Variants in UBE2E2 observed in about 807,000 individuals in gnomAD.
UBE2E2 encodes ubiquitin-conjugating enzyme E2 E2.
Under a neutral mutation model 24.7 loss-of-function variants are expected in UBE2E2, and 6 were observed. The observed-to-expected ratio is 0.24, with a 90% CI of 0.13 to 0.48. The LOEUF (loss-of-function observed/expected upper bound fraction) is 0.48. UBE2E2 is among the 20% of genes least tolerant of loss of function. UBE2E2 has a pLI of 0.99. For missense variants in UBE2E2, 169 were observed against 245.0 expected (o/e 0.69, Z 2.07); for synonymous variants, 104 against 83.6 (o/e 1.24, Z -1.33).
intron 5 of UBE2E2, among the ~76,000 whole-genome samples, chr3:23,558,854 G>C (rs966894754): frequency 4.6e-5 from 7 of 152,112 alleles, no homozygotes; most frequent in Admixed American, 6.5e-5. Context: ...GAGCCCAGGA[G>C]CTCAAAGACC....
At position 23,331,800 on chromosome 3, in the gene UBE2E2, TG is replaced by T. The variant is rs1259952247; in HGVS notation, c.227+114489del. Among the ~76,000 whole-genome samples the T allele has an allele frequency of 9.2e-5, 14 of 152,266 alleles. No individual in the cohort carries two copies. The East Asian group carries it at 2.7e-3, about 29-fold the overall frequency. ...GGTAAAGACTTTGGTTTATGTGAGATGAGAAATCACTAAGGGTTTTGAACAG... is the reference window on the plus strand; with the variant it reads ...GGTAAAGACTTTGGTTTATGTGAGATAGAAATCACTAAGGGTTTTGAACAG... On this transcript the variant is annotated intron_variant, in intron 3 of 5. Transcript: ENST00000396703.
chr3:23,244,082 T>C (rs1234591057), intron 3 of UBE2E2, among the ~76,000 whole-genome samples: 2 of 150,190 alleles, frequency 1.3e-5, no homozygotes, highest in African/African-American at 4.9e-5. Context: ...ATAGGAAGAA[T>C]ATCAATTAAG....
intron 4 of UBE2E2, among the ~76,000 whole-genome samples, chr3:23,527,740 G>T (rs1695032158): frequency 6.6e-6 from 1 of 152,040 alleles, no homozygotes; most frequent in African/African-American, 2.4e-5. Context: ...CTAAAAGCAA[G>T]GTTCAGAGAG....
chr3:23,295,115 T>C (rs1258060000), intron 3 of UBE2E2, among the ~76,000 whole-genome samples: 3 of 152,156 alleles, frequency 2.0e-5, no homozygotes, highest in Admixed American at 6.6e-5. Context: ...TCTAGTCCTT[T>C]TCAAAAACAC....
intron 3 of UBE2E2, among the ~76,000 whole-genome samples, chr3:23,422,256 G>C (rs186605050): frequency 6.6e-6 from 1 of 152,240 alleles, no homozygotes; most frequent in East Asian, 1.9e-4. Context: ...TAAATACGGG[G>C]ATAGAGAGTA....
intron 3 of UBE2E2, among the ~76,000 whole-genome samples, chr3:23,432,683 T>G (rs1698088755): frequency 6.6e-6 from 1 of 151,978 alleles, no homozygotes; most frequent in Non-Finnish European, 1.5e-5. Context: ...TTTGGGCATT[T>G]CATGTTCAAT....
intron 3 of UBE2E2, among the ~76,000 whole-genome samples, chr3:23,442,045 G>A (rs13062101): frequency 0.42 from 63,131 of 151,842 alleles, 13,374 homozygotes; most frequent in East Asian, 0.5. Flanking sequence ...TTATATTGTT[G>A]ATTGTAACTT....
At chr3:23,561,913 G>T (rs1012402702) in intron 5 of UBE2E2, among the ~76,000 whole-genome samples, 59 of 152,134 alleles carry the variant, frequency 3.9e-4, no homozygotes, top group African/African-American at 1.4e-3. Context: ...TTTGCACATT[G>T]ATTTTGTATC....
At position 23,443,389 on chromosome 3, in the gene UBE2E2, A is replaced by G. The variant is rs573756716; in HGVS notation, c.228-56219A>G. On this transcript the variant is annotated intron_variant, in intron 3 of 5. Coordinates refer to ENST00000396703, the MANE Select transcript of UBE2E2 (RefSeq NM_152653.4). ...ATGGTTTGGTAGGGGTGGAGAGTCAATACATGGATAAGCTATTGTGGTACC... is the reference window on the plus strand; with the variant it reads ...ATGGTTTGGTAGGGGTGGAGAGTCAGTACATGGATAAGCTATTGTGGTACC... Among the ~76,000 whole-genome samples, 8 of 152,186 alleles carry G rather than the reference A, an allele frequency of 5.3e-5. 1 individual carries two copies. The South Asian group carries it at 1.7e-3, about 32-fold the overall frequency.
chr3:23,576,100 A>AT (rs1200720215), intron 5 of UBE2E2, among the ~76,000 whole-genome samples: 4 of 152,018 alleles, frequency 2.6e-5, no homozygotes, highest in South Asian at 2.1e-4. Context: ...AGAAGGTAGT[A>AT]TTTTTTTACT....
intron 3 of UBE2E2, among the ~76,000 whole-genome samples, chr3:23,400,078 T>C (rs1415491658): frequency 1.3e-5 from 2 of 152,176 alleles, no homozygotes; most frequent in Admixed American, 6.6e-5. Context: ...GAAAGAAATA[T>C]TACCGTCATA....
rs1694684232 is a variant in UBE2E2 at position 23,319,495 on chromosome 3, G to A, written c.227+102183G>A. Among the ~76,000 whole-genome samples the A allele has an allele frequency of 3.9e-5, 6 of 152,042 alleles. No homozygotes were observed. The South Asian group carries it at 1.2e-3, about 32-fold the overall frequency. The stretch of plus-strand genomic sequence containing the variant: ...GATACTATTCTGATTTCTTTTATTT[G>A]TATTAACAAATTTAATTCTTACAAC... On this transcript the variant is annotated intron_variant, in intron 3 of 5. Coordinates refer to ENST00000396703, the MANE Select transcript of UBE2E2 (RefSeq NM_152653.4).
At chr3:23,275,207 T>C (rs1275732832) in intron 3 of UBE2E2, among the ~76,000 whole-genome samples, 1 of 152,184 alleles carries the variant, frequency 6.6e-6, no homozygotes, top group Non-Finnish European at 1.5e-5. Flanking sequence ...TGGGCTGCTT[T>C]GAAAGTATAT....
At chr3:23,548,961 A>C (rs773299170) in intron 5 of UBE2E2, among the ~76,000 whole-genome samples, 1 of 152,184 alleles carries the variant, frequency 6.6e-6, no homozygotes. Context: ...AAAGAGGTAC[A>C]TAGTAGCAAC....
At chr3:23,360,373 G>A (rs1415243182) in intron 3 of UBE2E2, among the ~76,000 whole-genome samples, 1 of 152,106 alleles carries the variant, frequency 6.6e-6, no homozygotes, top group East Asian at 1.9e-4. Flanking sequence ...TTTTACTTCT[G>A]CTGTGTGCCA....
chr3:23,278,827 T>C (rs1698425097), intron 3 of UBE2E2, among the ~76,000 whole-genome samples: 1 of 152,164 alleles, frequency 6.6e-6, no homozygotes, highest in Non-Finnish European at 1.5e-5. Flanking sequence ...ATAAGCACAT[T>C]ATGAAAACCT....
At chr3:23,545,405 C>T (rs201020191) in intron 5 of UBE2E2, among the ~76,000 whole-genome samples, 4 of 152,220 alleles carry the variant, frequency 2.6e-5, no homozygotes, top group Admixed American at 1.3e-4. Flanking sequence ...ATGCTGCCTT[C>T]AAGCATCTGT....
chr3:23,467,856 AGGGG>A (rs1418529030), intron 3 of UBE2E2, among the ~76,000 whole-genome samples: 1 of 152,156 alleles, frequency 6.6e-6, no homozygotes, highest in Non-Finnish European at 1.5e-5. Context: ...CAGAAGGTGA[AGGGG>A]AAGGAGGCAC....
At chr3:23,298,370 T>C (rs1384611359) in intron 3 of UBE2E2, among the ~76,000 whole-genome samples, 14 of 151,884 alleles carry the variant, frequency 9.2e-5, no homozygotes, top group South Asian at 6.3e-4. Flanking sequence ...TGTGCCAGTT[T>C]TCAAAGGGAA....
Sources: allele counts gnomAD v4.1 joint callset (sites outside exome capture counted in the v4.1 genomes callset), GRCh38; gene constraint gnomAD v4.1.1; transcripts MANE v1.5; gene names NCBI Gene and HGNC (gene_info 2026-07-23, HGNC 2026-07-21).